The following UBE2L3 variants were observed in gnomAD, a reference collection of about 807,000 sequenced individuals.
UBE2L3 encodes the protein ubiquitin-conjugating enzyme E2 L3.
Under a neutral mutation model 17.8 loss-of-function variants are expected in UBE2L3, and 1 was observed. The ratio of observed to expected loss-of-function variants is 0.06; its 90% confidence interval spans 0.02 to 0.27. UBE2L3 has a LOEUF of 0.27. Ranked by LOEUF, UBE2L3 falls within the 10% of genes least tolerant of loss-of-function variation. UBE2L3 has a pLI of 1.00. For synonymous variants in UBE2L3, 44 were observed against 68.5 expected (o/e 0.64, Z 1.76); for missense variants, 40 against 192.6 (o/e 0.21, Z 4.69).
At position 21,615,024 on chromosome 22, in the gene UBE2L3, G is replaced by A. The variant is rs539959196; in HGVS notation, c.310+3981G>A. On this transcript the variant is annotated intron_variant, in intron 3 of 3. Transcript: ENST00000342192. ...CAAAAAATTAGCTGGGTGTGGTGGC[G>A]GGCGCCTGTAATCCCAGCTACATGG... Among the ~76,000 whole-genome samples the A allele has an allele frequency of 6.6e-5, 10 of 151,768 alleles. No homozygotes were observed. In the South Asian group the frequency reaches 1.3e-3, roughly 19 times the overall value.
intron 2 of UBE2L3, among the ~76,000 whole-genome samples, chr22:21,603,167 G>A (rs1244598675): frequency 1.3e-5 from 2 of 152,082 alleles, no homozygotes; most frequent in Non-Finnish European, 2.9e-5. Flanking sequence ...AGCAAATACA[G>A]GAAAATGTTA....
In UBE2L3 at chr22:21,621,553, C is replaced by T; in HGVS notation, c.349C>T (p.Pro117Ser). 6.2e-7 allele frequency: 1 copy of T among 1,611,920 alleles called. No individual in the cohort carries two copies. Among genetic ancestry groups the T allele is most frequent in the Non-Finnish European group, 8.5e-7 (1 of 1,179,842 alleles). Residue 117 changes from proline (P) to serine (S), a missense_variant, in exon 4 of 4, where the codon CCT (proline) becomes TCT (serine). Transcript: ENST00000342192. Reference sequence around the variant, plus strand: ...CATAGCACTGGTGAATGACCCCCAGCCTGAGCACCCGCTTCGGGCTGACCT... The same window carrying T: ...CATAGCACTGGTGAATGACCCCCAGTCTGAGCACCCGCTTCGGGCTGACCT... The part of the protein sequence containing the change: ...SLIALVNDPQ[P>S]EHPLRADLAE...
Position 21,567,734 on chromosome 22 carries a change from C to T in UBE2L3, c.-11C>T, listed in dbSNP as rs748738371. The T allele has an allele frequency of 1.3e-6, 2 of 1,580,968 alleles. No homozygotes were observed. The highest frequency in any genetic ancestry group is 3.8e-5 in the Admixed American group (2 of 52,826). ...GATGCATTCTGGGGAAGGAGCAGCA[C>T]CAAATCCAAGATGGCGGCCAGCAGG... is the stretch of plus-strand genomic sequence containing the variant. On this transcript the variant is annotated 5_prime_UTR_variant, in exon 1 of 4. Coordinates refer to ENST00000342192, the MANE Select transcript of UBE2L3 (RefSeq NM_003347.4).
chr22:21,610,697 C>T (rs1929430660), intron 2 of UBE2L3, among the ~76,000 whole-genome samples, 160 bp from the exon 3 acceptor site: 1 of 152,212 alleles, frequency 6.6e-6, no homozygotes, highest in African/African-American at 2.4e-5. Flanking sequence ...TCTAGAAATA[C>T]TTTTGGGTGG....
intron 2 of UBE2L3, among the ~76,000 whole-genome samples, chr22:21,605,449 T>C (rs1929105719): frequency 6.6e-6 from 1 of 152,104 alleles, no homozygotes; most frequent in Admixed American, 6.6e-5. Context: ...GATCTCCTGA[T>C]CTCGTGATCC....
At chr22:21,559,397 G>A (rs1926352767) in intron 1 of UBE2L3, among the ~76,000 whole-genome samples, 1 of 150,744 alleles carries the variant, frequency 6.6e-6, no homozygotes, top group Non-Finnish European at 1.5e-5. Flanking sequence ...TGAAAGTGAT[G>A]GATTACATGA....
chr22:21,568,207 G>A, intron 1 of UBE2L3: 2 of 992,016 alleles, frequency 2.0e-6, no homozygotes, highest in African/African-American at 1.7e-5. Context: ...CAGCGCGCCG[G>A]GCTTGCAGCT....
intron 1 of UBE2L3, among the ~76,000 whole-genome samples, chr22:21,569,563 C>T (rs1349614748): frequency 6.6e-6 from 1 of 152,152 alleles, no homozygotes; most frequent in East Asian, 1.9e-4. Context: ...TAACTCAATT[C>T]TTTCACTCCT....
intron 2 of UBE2L3, among the ~76,000 whole-genome samples, chr22:21,601,887 G>A (rs1490145702): frequency 6.6e-6 from 1 of 151,078 alleles, no homozygotes; most frequent in Non-Finnish European, 1.5e-5. Context: ...CAGGAGAATG[G>A]CGTGAACCCG....
chr22:21,568,149 G>A, intron 1 of UBE2L3: 1 of 1,023,144 alleles, frequency 9.8e-7, no homozygotes, highest in Non-Finnish European at 1.2e-6. Context: ...CCGAGCGCCG[G>A]AGCCCCTGCC....
chr22:21,587,357 A>T (rs1928004065), intron 1 of UBE2L3, among the ~76,000 whole-genome samples: 1 of 151,110 alleles, frequency 6.6e-6, no homozygotes. Flanking sequence ...TGTCCACCTA[A>T]TTTTTGTATT....
At chr22:21,564,126 C>T (rs1215478303), upstream of UBE2L3, among the ~76,000 whole-genome samples, 2 of 151,282 alleles carry the variant, frequency 1.3e-5, no homozygotes, top group African/African-American at 2.4e-5. Context: ...GTGTCACTCT[C>T]CCGGGCCCAA....
At chr22:21,604,325 C>T (rs1370842897) in intron 2 of UBE2L3, among the ~76,000 whole-genome samples, 2 of 152,002 alleles carry the variant, frequency 1.3e-5, no homozygotes, top group Admixed American at 1.3e-4. Flanking sequence ...ACGGTGAAAC[C>T]CCGTCTCTAC....
At chr22:21,614,560 C>T (rs764987152) in intron 3 of UBE2L3, 3 of 1,367,490 alleles carry the variant, frequency 2.2e-6, no homozygotes, top group Non-Finnish European at 2.9e-6. Flanking sequence ...TCCTTAGAAA[C>T]TTCAGCGTTC....
At chr22:21,591,526 C>G (rs1387472052) in intron 1 of UBE2L3, among the ~76,000 whole-genome samples, 1 of 152,248 alleles carries the variant, frequency 6.6e-6, no homozygotes, top group African/African-American at 2.4e-5. Flanking sequence ...GGGCGCCCAG[C>G]ACATCTTCCT....
rs930783456 is a variant in UBE2L3, at chr22:21,608,364, C to T, written c.124-2493C>T. Among the ~76,000 whole-genome samples the T allele has an allele frequency of 2.0e-5, 3 of 152,174 alleles. No homozygotes were observed. In the South Asian group the frequency reaches 6.2e-4, roughly 31 times the overall value. Reference sequence around the variant, plus strand: ...TCCTGGGCCTAAGAAGTCCACCCTTCTTAGCCTCTGAAGTAGCTGAGACTA... The same window carrying T: ...TCCTGGGCCTAAGAAGTCCACCCTTTTTAGCCTCTGAAGTAGCTGAGACTA... On this transcript the variant is annotated intron_variant, in intron 2 of 3. Coordinates refer to ENST00000342192, the MANE Select transcript of UBE2L3 (RefSeq NM_003347.4).
At chr22:21,583,964 C>G (rs968466855) in intron 1 of UBE2L3, among the ~76,000 whole-genome samples, 6 of 152,086 alleles carry the variant, frequency 3.9e-5, no homozygotes, top group Admixed American at 2.6e-4. Context: ...AACCTCCTGC[C>G]TCCTGGGTTC....
chr22:21,605,743 T>C (rs1381125901), intron 2 of UBE2L3, among the ~76,000 whole-genome samples: 1 of 152,216 alleles, frequency 6.6e-6, no homozygotes. Context: ...TGGCCTCAAG[T>C]GATCTGCACA....
upstream of UBE2L3, among the ~76,000 whole-genome samples, chr22:21,566,073 A>G (rs1444068113): frequency 6.6e-6 from 1 of 150,668 alleles, no homozygotes; most frequent in African/African-American, 2.4e-5. Flanking sequence ...CCCAGGTTCA[A>G]GCGATTCTCC....
Sources: allele counts gnomAD v4.1 joint callset (sites outside exome capture counted in the v4.1 genomes callset), GRCh38; gene constraint gnomAD v4.1.1; transcripts MANE v1.5; gene names NCBI Gene and HGNC (gene_info 2026-07-23, HGNC 2026-07-21).